CACNA2D3: variants seen among roughly 807,000 people sequenced by gnomAD.
The protein encoded by CACNA2D3 is voltage-dependent calcium channel subunit alpha-2/delta-3.
CACNA2D3 carries 60 observed loss-of-function variants against 160.6 expected under a neutral mutation model. That is an observed-to-expected ratio of 0.37 (90% CI 0.30 to 0.46). The LOEUF (loss-of-function observed/expected upper bound fraction) is 0.46, where lower values mean the gene tolerates loss of function less well. CACNA2D3 is among the 20% of genes least tolerant of loss of function. The pLI is 1.00. For missense variants in CACNA2D3, 1,205 were observed against 1,365.0 expected (o/e 0.88, Z 1.85); for synonymous variants, 558 against 492.9 (o/e 1.13, Z -1.75).
At chr3:54,596,853 T>A (rs913125651) in intron 9 of CACNA2D3, among the ~76,000 whole-genome samples, 32 of 152,160 alleles carry the variant, frequency 2.1e-4, no homozygotes, top group African/African-American at 7.7e-4. Context: ...TTTTCTGATC[T>A]CAGATAAAAT....
chr3:54,815,853 G>A (rs906961406), intron 13 of CACNA2D3, among the ~76,000 whole-genome samples: 1 of 152,200 alleles, frequency 6.6e-6, no homozygotes, highest in Admixed American at 6.5e-5. Flanking sequence ...TCCCTATGTT[G>A]AGAAGTAAAT....
At chr3:54,739,841 A>T (rs1210487721) in intron 11 of CACNA2D3, among the ~76,000 whole-genome samples, 1 of 151,494 alleles carries the variant, frequency 6.6e-6, no homozygotes, top group Non-Finnish European at 1.5e-5. Context: ...ATTTACATTT[A>T]GTTTTATATA....
At chr3:54,890,790 G>A (rs1700046837) in intron 24 of CACNA2D3, among the ~76,000 whole-genome samples, 1 of 152,162 alleles carries the variant, frequency 6.6e-6, no homozygotes, top group African/African-American at 2.4e-5. Context: ...TAAGGCCTGT[G>A]GTCTGGTAGA....
At chr3:54,192,221 TGGA>T (rs1002410708) in intron 2 of CACNA2D3, among the ~76,000 whole-genome samples, 16 of 150,276 alleles carry the variant, frequency 1.1e-4, no homozygotes, top group Non-Finnish European at 2.1e-4. Context: ...TGCTTGGGGG[TGGA>T]GGAGAAGACT....
chr3:54,241,811 A>G (rs535684427), intron 2 of CACNA2D3, among the ~76,000 whole-genome samples: 15 of 152,350 alleles, frequency 9.8e-5, no homozygotes, highest in African/African-American at 3.6e-4. Context: ...TAACTGGTAC[A>G]TAGTTCCAAC....
At chr3:54,716,200 C>G (rs1033242595) in intron 11 of CACNA2D3, among the ~76,000 whole-genome samples, 5 of 152,234 alleles carry the variant, frequency 3.3e-5, no homozygotes, top group African/African-American at 1.2e-4. Flanking sequence ...AGTTTGTCCC[C>G]TACTGATACA....
Position 54,705,917 on chromosome 3 carries a change from T to C in CACNA2D3, c.1168-46682T>C, listed in dbSNP as rs1287770615. Among the ~76,000 whole-genome samples the C allele has an allele frequency of 2.6e-5, 4 of 152,192 alleles. No individual in the cohort carries two copies. The East Asian group carries it at 7.7e-4, about 29-fold the overall frequency. ...ACTCTCATGCCTCATAAAGTGATGA[T>C]GGAGATGCTATGCATGGCCCCTCTT... On this transcript the variant is annotated intron_variant, in intron 11 of 37. Coordinates refer to ENST00000474759, the MANE Select transcript of CACNA2D3 (RefSeq NM_018398.3).
intron 5 of CACNA2D3, among the ~76,000 whole-genome samples, chr3:54,524,099 G>T (rs1701688553): frequency 6.6e-6 from 1 of 151,614 alleles, no homozygotes; most frequent in South Asian, 2.1e-4. Context: ...TTAGCCTATT[G>T]CTTTGAGCTT....
intron 11 of CACNA2D3, among the ~76,000 whole-genome samples, chr3:54,709,359 T>C: frequency 1.2e-5 from 1 of 81,828 alleles, no homozygotes; most frequent in East Asian, 3.1e-4. Flanking sequence ...GTCCTCTCTC[T>C]CTCTCTTTTT....
intron 11 of CACNA2D3, among the ~76,000 whole-genome samples, chr3:54,705,898 A>G (rs2106955151): frequency 6.6e-6 from 1 of 151,458 alleles, no homozygotes; most frequent in African/African-American, 2.4e-5. Flanking sequence ...ACTGACTCTC[A>G]TGCCTCATAA....
chr3:54,123,415 G>C (rs1699517433), intron 1 of CACNA2D3, 98 bp from the exon 2 acceptor site: 2 of 843,002 alleles, frequency 2.4e-6, no homozygotes, highest in South Asian at 1.3e-5. Flanking sequence ...ACATCGCACT[G>C]CTCCTTCAGC....
intron 17 of CACNA2D3, among the ~76,000 whole-genome samples, chr3:54,856,225 T>C (rs1699167074): frequency 6.6e-6 from 1 of 150,766 alleles, no homozygotes; most frequent in African/African-American, 2.4e-5. Context: ...CAATATGTTA[T>C]CAAGCACCAC....
chr3:54,626,574 C>T (rs1699111432), intron 9 of CACNA2D3: 2 of 1,569,638 alleles, frequency 1.3e-6, no homozygotes, highest in Non-Finnish European at 1.8e-6. Flanking sequence ...AGTTCTCCAT[C>T]ACCTACAAGC....
At chr3:54,356,154 G>C (rs1467544807) in intron 3 of CACNA2D3, among the ~76,000 whole-genome samples, 1 of 152,140 alleles carries the variant, frequency 6.6e-6, no homozygotes, top group Non-Finnish European at 1.5e-5. Context: ...GTGAAATTTG[G>C]ACAGCTTTTG....
At chr3:54,409,293 G>A (rs958135824) in intron 4 of CACNA2D3, among the ~76,000 whole-genome samples, 3 of 152,052 alleles carry the variant, frequency 2.0e-5, no homozygotes, top group East Asian at 3.9e-4. Context: ...ATCTTTGGAC[G>A]TTACTATTGT....
chr3:54,223,646 G>C (rs1701615573), intron 2 of CACNA2D3, among the ~76,000 whole-genome samples: 1 of 152,002 alleles, frequency 6.6e-6, no homozygotes. Context: ...ATGAGGTCAG[G>C]AGTTCGAGAC....
chr3:54,661,837 G>GGTGTGTGTGTGT (rs1559542452), intron 11 of CACNA2D3, among the ~76,000 whole-genome samples: 11 of 34,828 alleles, frequency 3.2e-4, no homozygotes, highest in Middle Eastern at 0.014. Flanking sequence ...ACATCTCAGG[G>GGTGTGTGTGTGT]ATGTGTGTAT....
chr3:54,745,700 T>G (rs1559567170), intron 11 of CACNA2D3, among the ~76,000 whole-genome samples: 1 of 152,200 alleles, frequency 6.6e-6, no homozygotes, highest in African/African-American at 2.4e-5. Context: ...GGTCGTAGTC[T>G]CTGGATGGCC....
intron 2 of CACNA2D3, among the ~76,000 whole-genome samples, chr3:54,236,860 C>G (rs533830303): frequency 1.3e-5 from 2 of 152,166 alleles, no homozygotes; most frequent in Admixed American, 1.3e-4. Context: ...TCAGTTTCCT[C>G]ATTGATAACA....
Sources: gnomAD v4.1 joint callset for allele counts (sites outside exome capture counted in the v4.1 genomes callset) on GRCh38, gnomAD v4.1.1 for gene constraint, MANE v1.5 for transcripts, NCBI Gene and HGNC (gene_info 2026-07-23, HGNC 2026-07-21) for gene names.